Variants in SSH2 observed in about 807,000 individuals in gnomAD.
SSH2 encodes the protein protein phosphatase Slingshot homolog 2.
SSH2 carries 37 observed loss-of-function variants against 135.2 expected under a neutral mutation model. The ratio of observed to expected loss-of-function variants is 0.27; its 90% CI spans 0.21 to 0.36. The LOEUF (loss-of-function observed/expected upper bound fraction) is 0.36, where lower values mean the gene tolerates loss of function less well. Among genes scored for constraint, SSH2 ranks in the 10% least tolerant of loss-of-function variants. The probability of loss-of-function intolerance (pLI) is 1.00; values close to 1 mark genes in which losing one functional copy is unlikely to be tolerated. For synonymous variants in SSH2, 628 were observed against 646.2 expected, an observed-to-expected ratio of 0.97 and a Z score of 0.43; for missense variants, 1,408 against 1,765.3, an observed-to-expected ratio of 0.80 and a Z score of 3.63.
chr17:29,806,658 A>G (rs2042351096), intron 2 of SSH2, among the ~76,000 whole-genome samples: 1 of 152,200 alleles, frequency 6.6e-6, no homozygotes, highest in Non-Finnish European at 1.5e-5. Context: ...GTAAATGCCT[A>G]GTGCAGCAGG....
chr17:29,833,356 T>C (rs866191127), intron 2 of SSH2, among the ~76,000 whole-genome samples: 3 of 152,202 alleles, frequency 2.0e-5, no homozygotes, highest in Non-Finnish European at 2.9e-5. Flanking sequence ...TTTGTCTCTA[T>C]AGTTTTTGTC....
intron 8 of SSH2, among the ~76,000 whole-genome samples, chr17:29,673,511 A>G (rs536236668): frequency 5.3e-5 from 8 of 151,922 alleles, no homozygotes; most frequent in African/African-American, 1.7e-4. Flanking sequence ...CGGAGGCTGT[A>G]GTTAGCTGAG....
chr17:29,740,347 G>A (rs1004458411), intron 3 of SSH2, among the ~76,000 whole-genome samples: 8 of 152,132 alleles, frequency 5.3e-5, no homozygotes, highest in African/African-American at 1.7e-4. Context: ...AGGAAGCATC[G>A]CAGTCTCAAA....
Position 29,761,041 on chromosome 17 carries a change from C to T in SSH2, c.188+32853G>A, listed in dbSNP as rs114569017. The T allele has an allele frequency of 9.0e-4, 1,035 of 1,150,938 alleles. 9 individuals are homozygous for T. In the African/African-American group the frequency reaches 0.015, roughly 17 times the overall value. The allele number at this position is 1,150,938 out of a possible 1,614,324, so 71.3% of individuals were successfully genotyped here. On this transcript the variant is annotated intron_variant, in intron 3 of 15. Transcript: ENST00000540801. ...GAGACCTCCAGGCAAGCAGGATGCG[C>T]GCTCGCCCTCGCTTGATTGTTTGCT...
rs141648571 is a variant in SSH2 at position 29,770,724 on chromosome 17, C to T, written c.188+23170G>A. On this transcript the variant is annotated intron_variant, in intron 3 of 15. Coordinates refer to ENST00000540801, the MANE Select transcript of SSH2 (RefSeq NM_001282129.2). ...CTGACCTCAGATGATCTGCCCACCT[C>T]GGCCTCCTAAAGTGCTGGGATGACA... is the stretch of plus-strand genomic sequence containing the variant. Among the ~76,000 whole-genome samples the T allele has an allele frequency of 3.2e-4, 48 of 152,184 alleles. No homozygotes were observed. The East Asian group carries it at 6.4e-3, about 20-fold the overall frequency.
chr17:29,804,713 C>T (rs1184864786), intron 2 of SSH2, among the ~76,000 whole-genome samples: 1 of 151,942 alleles, frequency 6.6e-6, no homozygotes, highest in African/African-American at 2.4e-5. Context: ...GCTCTGTTGC[C>T]CAGGTTGGAA....
chr17:29,709,648 G>C (rs2039364470), intron 3 of SSH2, among the ~76,000 whole-genome samples: 1 of 152,148 alleles, frequency 6.6e-6, no homozygotes, highest in South Asian at 2.1e-4. Context: ...CTGCACTCCA[G>C]CCTGGGAAAC....
intron 3 of SSH2, among the ~76,000 whole-genome samples, chr17:29,728,704 T>C (rs528863007): frequency 6.6e-6 from 1 of 152,276 alleles, no homozygotes; most frequent in South Asian, 2.1e-4. Context: ...AAGAGACACA[T>C]AGACCAATGG....
At chr17:29,811,940 C>T (rs1477876523) in intron 2 of SSH2, among the ~76,000 whole-genome samples, 1 of 151,860 alleles carries the variant, frequency 6.6e-6, no homozygotes, top group Non-Finnish European at 1.5e-5. Context: ...GATTTTCTAT[C>T]GACTATTTTA....
At chr17:29,731,424 TA>T (rs374954653) in intron 3 of SSH2, among the ~76,000 whole-genome samples, 37,890 of 89,372 alleles carry the variant, frequency 0.42, 4,920 homozygotes, top group African/African-American at 0.46. Context: ...ATTTTTTATT[TA>T]TTTATTTATT....
chr17:29,876,739 A>G (rs1025300687), intron 1 of SSH2, among the ~76,000 whole-genome samples: 1 of 152,220 alleles, frequency 6.6e-6, no homozygotes, highest in Non-Finnish European at 1.5e-5. Context: ...AAAGAATTGA[A>G]TCTAAGACCT....
At position 29,636,348 on chromosome 17, in the gene SSH2, C is replaced by T; in HGVS notation, c.1882G>A (p.Ala628Thr). 6.2e-7 allele frequency: 1 copy of T among 1,614,160 alleles called. No individual in the cohort carries two copies. ...TGGACATTCATGTCTGCTTTCAGTG[C>T]ATCTGTCTCCAAATCTTCCACTGTT... Reference protein sequence around the residue: ...DLTVEDLETDALKADMNVHLL... With the variant: ...DLTVEDLETDTLKADMNVHLL... The change falls in exon 15 of 16, where the codon GCA becomes ACA. Residue 628 changes from alanine to threonine, a missense_variant. Physicochemically the swap from Ala to Thr is moderately conservative, Grantham distance 58. Transcript: ENST00000540801.
intron 6 of SSH2, among the ~76,000 whole-genome samples, chr17:29,679,526 C>G (rs908849352): frequency 6.6e-6 from 1 of 152,052 alleles, no homozygotes; most frequent in Admixed American, 6.5e-5. Context: ...CCTGTCTCAG[C>G]CTCCTGAGTA....
At position 29,636,701 on chromosome 17, in the gene SSH2, T is replaced by C; in HGVS notation, c.1529A>G (p.Asp510Gly). ...AATCTGGTCTGCTGAGGTGGTGATA[T>C]CCTTCTTGTTGAGTTCTAGCCCAGG... ...CKPGLELNKK[D>G]ITTSADQIAE... The change falls in exon 15 of 16, where the codon GAT (aspartate) becomes GGT (glycine). Residue 510 changes from aspartate to glycine, a missense_variant. Coordinates refer to ENST00000540801, the MANE Select transcript of SSH2 (RefSeq NM_001282129.2). 2 of 1,614,138 alleles carry C rather than the reference T, an allele frequency of 1.2e-6. No homozygotes were observed. The highest frequency in any genetic ancestry group is 1.7e-6 in the Non-Finnish European group (2 of 1,180,024).
intron 3 of SSH2, among the ~76,000 whole-genome samples, chr17:29,738,550 A>ATTTTTTTTTTTTTTTTTTTTTT (rs1567933036): frequency 7.3e-6 from 1 of 137,372 alleles, no homozygotes; most frequent in Non-Finnish European, 1.6e-5. Context: ...TTTCTTTTTT[A>ATTTTTTTTTTTTTTTTTTTTTT]TTTTATTTTA....
Position 29,672,038 on chromosome 17 carries a change from A to C in SSH2, c.706T>G (p.Tyr236Asp). The C allele has an allele frequency of 6.2e-7, 1 of 1,614,162 alleles. No individual in the cohort carries two copies. Among genetic ancestry groups the C allele is most frequent in the Non-Finnish European group, 8.5e-7 (1 of 1,180,002 alleles). The stretch of plus-strand genomic sequence containing the variant: ...TGATCTGAGTTGATATGGCTCTCAT[A>C]ATAACTCACCCAAGTGAGAAATAGG... ...GSLFLTWVSY[Y>D]ESHINSDQSS... Residue 236 changes from tyrosine (Y) to aspartate (D), a missense_variant, in exon 9 of 16, where the codon TAT (tyrosine) becomes GAT (aspartate). Transcript: ENST00000540801.
chr17:29,865,037 T>C (rs1000805196), intron 1 of SSH2, among the ~76,000 whole-genome samples: 1 of 152,224 alleles, frequency 6.6e-6, no homozygotes, highest in Non-Finnish European at 1.5e-5. Context: ...GGTGGAATCA[T>C]ATCACTCCTA....
chr17:29,710,024 G>C (rs2039377598), intron 3 of SSH2, among the ~76,000 whole-genome samples: 3 of 152,198 alleles, frequency 2.0e-5, no homozygotes, highest in Non-Finnish European at 4.4e-5. Flanking sequence ...AAAGTGTGGA[G>C]GAAAAGGTCA....
intron 2 of SSH2, among the ~76,000 whole-genome samples, chr17:29,797,940 T>G (rs868420617): frequency 7.2e-5 from 11 of 151,982 alleles, no homozygotes; most frequent in Admixed American, 1.3e-4. Context: ...AGTTTTTTTT[T>G]GGGGGGGATT....
Sources: allele counts gnomAD v4.1 joint callset (sites outside exome capture counted in the v4.1 genomes callset), GRCh38; gene constraint gnomAD v4.1.1; transcripts MANE v1.5; gene names NCBI Gene and HGNC (gene_info 2026-07-23, HGNC 2026-07-21).